Variants in PDZD8 observed in about 807,000 individuals in gnomAD.
PDZD8 encodes PDZ domain-containing protein 8.
Under a neutral mutation model 85.8 loss-of-function variants are expected in PDZD8, and 14 were observed. That is an observed-to-expected ratio of 0.16 (90% CI 0.11 to 0.26). The LOEUF (loss-of-function observed/expected upper bound fraction) is 0.26. Ranked by LOEUF, PDZD8 falls within the 10% of genes least tolerant of loss-of-function variation. The probability of loss-of-function intolerance (pLI) is 1.00; values close to 1 mark genes in which losing one functional copy is unlikely to be tolerated. For missense variants in PDZD8, 1,197 were observed against 1,424.3 expected (o/e 0.84, Z 2.57); for synonymous variants, 592 against 568.6 (o/e 1.04, Z -0.59).
intron 3 of PDZD8, among the ~76,000 whole-genome samples, chr10:117,296,524 T>A (rs541029783): frequency 2.0e-5 from 3 of 152,082 alleles, no homozygotes; most frequent in Admixed American, 2.0e-4. Flanking sequence ...ACTCCTTAAA[T>A]ATAACAGGGT....
intron 3 of PDZD8, among the ~76,000 whole-genome samples, chr10:117,303,368 A>G (rs567912876): frequency 3.5e-4 from 53 of 152,220 alleles, no homozygotes; most frequent in Non-Finnish European, 6.9e-4. Flanking sequence ...TGGCAGAAGA[A>G]ATTTCTAAGA....
intron 1 of PDZD8, among the ~76,000 whole-genome samples, chr10:117,357,713 C>A (rs116594608): frequency 0.012 from 1,475 of 125,824 alleles, 69 homozygotes; most frequent in African/African-American, 0.043. Flanking sequence ...TTGCAGTGAG[C>A]CCCGATCATG....
chr10:117,330,009 G>GGAGGGAGC (rs1844391520), intron 2 of PDZD8, among the ~76,000 whole-genome samples: 1 of 73,358 alleles, frequency 1.4e-5, no homozygotes, highest in African/African-American at 5.4e-5. Context: ...AGGGAGGGAG[G>GGAGGGAGC]GAGGGAGGGA....
At chr10:117,304,530 C>T (rs935782562) in intron 3 of PDZD8, among the ~76,000 whole-genome samples, 4 of 152,070 alleles carry the variant, frequency 2.6e-5, no homozygotes, top group Admixed American at 2.0e-4. Flanking sequence ...AATGTGAAGA[C>T]ATGAGATTTG....
rs569493632 is a variant in PDZD8 at position 117,282,792 on chromosome 10, C to G, written c.*476G>C. 20 of 152,986 alleles carry G rather than the reference C, an allele frequency of 1.3e-4. No homozygotes were observed. The highest frequency in any genetic ancestry group is 4.3e-4 in the African/African-American group (18 of 41,540). 9.5% of individuals were successfully genotyped at this position (152,986 alleles called of 1,614,324 possible). On this transcript the variant is annotated 3_prime_UTR_variant, in exon 5 of 5. Transcript: ENST00000334464. ...AGTAGAGACGATAAACTTCATAACA[C>G]AAAAGAAAGATTCAAAACCTGTTCC...
At chr10:117,295,050 C>G (rs1843731891) in intron 3 of PDZD8, among the ~76,000 whole-genome samples, 1 of 151,944 alleles carries the variant, frequency 6.6e-6, no homozygotes, top group African/African-American at 2.4e-5. Flanking sequence ...GCTAGTTATC[C>G]TGATTTGATC....
Sources: allele counts gnomAD v4.1 joint callset (sites outside exome capture counted in the v4.1 genomes callset), GRCh38; gene constraint gnomAD v4.1.1; transcripts MANE v1.5; gene names NCBI Gene and HGNC (gene_info 2026-07-23, HGNC 2026-07-21).